DNMT1: variants seen among roughly 807,000 people sequenced by gnomAD.
DNMT1 encodes DNA methyltransferase 1, also known as DNA (cytosine-5)-methyltransferase 1.
DNMT1 carries 24 observed loss-of-function variants against 205.3 expected under a neutral mutation model. The observed-to-expected ratio is 0.12, with a 90% CI of 0.08 to 0.16. The LOEUF (loss-of-function observed/expected upper bound fraction) is 0.16, where lower values mean the gene tolerates loss of function less well. DNMT1 is among the 10% of genes least tolerant of loss of function. DNMT1 has a pLI of 1.00. For synonymous variants in DNMT1, 817 were observed against 839.8 expected, an observed-to-expected ratio of 0.97 and a Z score of 0.47; for missense variants, 1,293 against 2,177.7, an observed-to-expected ratio of 0.59 and a Z score of 8.09.
At position 10,146,413 on chromosome 19, in the gene DNMT1, C is replaced by T. The variant is rs780517259; in HGVS notation, c.2832G>A (p.Lys944=). 6 of 1,614,014 alleles carry T rather than the reference C, an allele frequency of 3.7e-6. No individual in the cohort carries two copies. Among genetic ancestry groups the T allele is most frequent in the Non-Finnish European group, 5.1e-6 (6 of 1,180,020 alleles). Residue 944 remains lysine, a synonymous_variant, in exon 28 of 41, where the codon AAG becomes AAA. Transcript: ENST00000359526. The surrounding 1 kb of genome is among the most constrained non-coding windows in gnomAD (Gnocchi z 4.4). The stretch of plus-strand genomic sequence containing the variant: ...CACCAACTCGGTACAGGATGCCGTT[C>T]TTGGTGGCTGAGTAGTAGAGGACCC... ...DSRVLYYSAT[K]NGILYRVGDG... is the part of the protein sequence containing the mutation.
At chr19:10,150,862 G>A (rs1357036026) in intron 24 of DNMT1, among the ~76,000 whole-genome samples, 1 of 152,180 alleles carries the variant, frequency 6.6e-6, no homozygotes, top group East Asian at 1.9e-4. Flanking sequence ...GGAGGCTGAG[G>A]TGGGTGGATC....
At chr19:10,172,991 T>G (rs773790326) in intron 9 of DNMT1, 99 bp downstream of exon 9, 1 of 1,396,898 alleles carries the variant, frequency 7.2e-7, no homozygotes, top group African/African-American at 1.4e-5. Flanking sequence ...CATCTTGTTC[T>G]TCCACGTTCC....
rs1218746197 is a variant in DNMT1 at position 10,148,007 on chromosome 19, T to G, written c.2720+877A>C. On this transcript the variant is annotated intron_variant, in intron 27 of 40. Coordinates refer to ENST00000359526, the MANE Select transcript of DNMT1 (RefSeq NM_001130823.3). ...GGCCCATGCTTGTAATCCCAGCTAC[T>G]CAGGAGGCTGAGGCAGGAGAATCGC... is the stretch of plus-strand genomic sequence containing the variant. Among the ~76,000 whole-genome samples, 13 of 148,500 alleles carry G rather than the reference T, an allele frequency of 8.8e-5. No individual in the cohort carries two copies. The East Asian group carries it at 1.2e-3, about 14-fold the overall frequency.
In DNMT1 at chr19:10,138,287, G is replaced by A; in HGVS notation, c.4115+152C>T. Reference sequence around the variant, plus strand: ...TGCAGGGTCAGAACTGGAGACCACAGGTGGCAGAGTGCCATGTGGCAGAGC... The same window carrying A: ...TGCAGGGTCAGAACTGGAGACCACAAGTGGCAGAGTGCCATGTGGCAGAGC... On this transcript the variant is annotated intron_variant, in intron 35 of 40. Coordinates refer to ENST00000359526, the MANE Select transcript of DNMT1 (RefSeq NM_001130823.3). The surrounding 1 kb of genome is among the most constrained non-coding windows in gnomAD (Gnocchi z 4.1). The A allele has an allele frequency of 8.0e-7, 1 of 1,254,444 alleles. No homozygotes were observed. Among genetic ancestry groups the A allele is most frequent in the Non-Finnish European group, 1.1e-6 (1 of 890,222 alleles). The allele number at this position is 1,254,444 out of a possible 1,614,324, so 77.7% of individuals were successfully genotyped here.
rs2089647159 is a variant in DNMT1, at chr19:10,143,754, G to C, written c.3116+12C>G. On this transcript the variant is annotated intron_variant, in intron 29 of 40. Coordinates refer to ENST00000359526, the MANE Select transcript of DNMT1 (RefSeq NM_001130823.3). ...TCTGTGGCCTCGTGGAAGAACAGAGGCCTCTGCTGACCTGTAGAACTTGTT... is the reference window on the plus strand; with the variant it reads ...TCTGTGGCCTCGTGGAAGAACAGAGCCCTCTGCTGACCTGTAGAACTTGTT... The C allele has an allele frequency of 6.2e-7, 1 of 1,613,914 alleles. No homozygotes were observed.
At chr19:10,191,591 T>C (rs1322991606) in intron 1 of DNMT1, among the ~76,000 whole-genome samples, 39 of 152,138 alleles carry the variant, frequency 2.6e-4, no homozygotes, top group Non-Finnish European at 5.4e-4. Flanking sequence ...CCTGAGCCAG[T>C]GGCCTACTGG....
chr19:10,175,431 T>C (rs570023475), intron 7 of DNMT1, 109 bp downstream of exon 7: 8 of 1,305,358 alleles, frequency 6.1e-6, no homozygotes, highest in African/African-American at 1.5e-5. Flanking sequence ...GAGCCCTAAA[T>C]AGAGCCCTAG....
At position 10,154,507 on chromosome 19, in the gene DNMT1, G is replaced by T; in HGVS notation, c.1833-28C>A. 1.2e-6 allele frequency: 2 copies of T among 1,614,106 alleles called. No individual in the cohort carries two copies. Among genetic ancestry groups the T allele is most frequent in the Non-Finnish European group, 1.7e-6 (2 of 1,180,036 alleles). The stretch of plus-strand genomic sequence containing the variant: ...ACGGGAGAGGTTCCAGCATCTCAGA[G>T]GACTGGGACAGAGGATGTGGGCCAT... On this transcript the variant is annotated intron_variant, in intron 21 of 40. Coordinates refer to ENST00000359526, the MANE Select transcript of DNMT1 (RefSeq NM_001130823.3). This position sits in a 1 kb window ranked among gnomAD's most constrained non-coding sequence, Gnocchi z 6.3.
intron 9 of DNMT1, among the ~76,000 whole-genome samples, chr19:10,170,477 A>G (rs2038793671): frequency 6.6e-6 from 1 of 152,036 alleles, no homozygotes; most frequent in South Asian, 2.1e-4. Flanking sequence ...TGTCTCTACT[A>G]AAAGTACAAA....
Position 10,159,637 on chromosome 19 carries a change from T to G in DNMT1, c.1280+21A>C. 1 of 1,613,238 alleles carries G rather than the reference T, an allele frequency of 6.2e-7. No homozygotes were observed. Among genetic ancestry groups the G allele is most frequent in the Non-Finnish European group, 8.5e-7 (1 of 1,179,212 alleles). On this transcript the variant is annotated intron_variant, in intron 17 of 40. Coordinates refer to ENST00000359526, the MANE Select transcript of DNMT1 (RefSeq NM_001130823.3). This position sits in a 1 kb window ranked among gnomAD's most constrained non-coding sequence, Gnocchi z 5.0. ...TGTGCCTCCTTCCACGAAGCAAACA[T>G]GCACACGAAAGTGCACTTACCTGAA...
At chr19:10,184,080 G>A (rs1378649001) in intron 1 of DNMT1, among the ~76,000 whole-genome samples, 1 of 152,100 alleles carries the variant, frequency 6.6e-6, no homozygotes, top group Non-Finnish European at 1.5e-5. Context: ...AGAGGGGGCA[G>A]GTCATATAGT....
Position 10,151,176 on chromosome 19 carries a change from A to G in DNMT1, c.2265+222T>C, listed in dbSNP as rs1435685158. Among the ~76,000 whole-genome samples the G allele has an allele frequency of 6.6e-6, 1 of 152,140 alleles. No individual in the cohort carries two copies. The highest frequency in any genetic ancestry group is 2.4e-5 in the African/African-American group (1 of 41,434). ...AACTGTGTCAAATGCCCATTTTGGGACATTAGGAGAACTGAGCCTTGTGGC... is the reference window on the plus strand; with the variant it reads ...AACTGTGTCAAATGCCCATTTTGGGGCATTAGGAGAACTGAGCCTTGTGGC... On this transcript the variant is annotated intron_variant, in intron 24 of 40. Coordinates refer to ENST00000359526, the MANE Select transcript of DNMT1 (RefSeq NM_001130823.3). This position sits in a 1 kb window ranked among gnomAD's most constrained non-coding sequence, Gnocchi z 5.0.
rs543996514 is a variant in DNMT1 at position 10,158,286 on chromosome 19, CG to C, written c.1280+1371del. ...TGTGGCCCTGCTTTGGGCCAGGCCT[CG>C]GGGGGCTAGCGGTTGCTGGTGGACG... On this transcript the variant is annotated intron_variant, in intron 17 of 40. Transcript: ENST00000359526. Among the ~76,000 whole-genome samples, 720 of 152,246 alleles carry C rather than the reference CG, an allele frequency of 4.7e-3. 2 individuals carry two copies. The highest frequency in any genetic ancestry group is 7.8e-3 in the Non-Finnish European group (527 of 67,994).
At chr19:10,169,077 G>A (rs2038753079) in intron 9 of DNMT1, among the ~76,000 whole-genome samples, 1 of 152,028 alleles carries the variant, frequency 6.6e-6, no homozygotes, top group Non-Finnish European at 1.5e-5. Context: ...TGATCCGTCT[G>A]CCTTGGTCTC....
Position 10,160,414 on chromosome 19 carries a change from T to C in DNMT1, c.1013A>G (p.Glu338Gly). ...TTTGGGGGTCGTTTTGCGTCTCTTC[T>C]CCTCCTACACAGGGAAAACAAAAGA... ...SDEKDEDEKE[E>G]KRRKTTPKEP... Residue 338 changes from glutamate to glycine, a missense_variant, in exon 14 of 41, where the codon GAG (glutamate) becomes GGG (glycine). Physicochemically the swap from Glu to Gly is moderately conservative, Grantham distance 98. Transcript: ENST00000359526. 1.2e-6 allele frequency: 2 copies of C among 1,614,096 alleles called. No individual in the cohort carries two copies. Among genetic ancestry groups the C allele is most frequent in the Non-Finnish European group, 1.7e-6 (2 of 1,179,972 alleles).
In DNMT1 at chr19:10,156,781, C is replaced by G. The variant is rs967853406; in HGVS notation, c.1281-272G>C. Among the ~76,000 whole-genome samples, 1 of 152,068 alleles carries G rather than the reference C, an allele frequency of 6.6e-6. No individual in the cohort carries two copies. The highest frequency in any genetic ancestry group is 2.4e-5 in the African/African-American group (1 of 41,396). On this transcript the variant is annotated intron_variant, in intron 17 of 40. Coordinates refer to ENST00000359526, the MANE Select transcript of DNMT1 (RefSeq NM_001130823.3). The surrounding 1 kb of genome is among the most constrained non-coding windows in gnomAD (Gnocchi z 4.2). Reference sequence around the variant, plus strand: ...TACAGGCCTGAACCACCATGCCCGGCTAATTGTTGTATTTTTAGTAGGGAC... The same window carrying G: ...TACAGGCCTGAACCACCATGCCCGGGTAATTGTTGTATTTTTAGTAGGGAC...
intron 17 of DNMT1, among the ~76,000 whole-genome samples, chr19:10,157,774 A>G (rs2038488275): frequency 6.6e-6 from 1 of 152,210 alleles, no homozygotes; most frequent in Admixed American, 6.5e-5. Flanking sequence ...AGAAGAAGAG[A>G]CAGAGAGATG....
intron 1 of DNMT1, among the ~76,000 whole-genome samples, chr19:10,186,121 T>C (rs1191821250): frequency 4.6e-5 from 7 of 152,088 alleles, no homozygotes; most frequent in Non-Finnish European, 7.4e-5. Context: ...TTGCCTGGGG[T>C]GTGAAGGACA....
Position 10,135,729 on chromosome 19 carries a change from C to T in DNMT1, c.4773+7G>A. On this transcript the variant is annotated splice_region_variant and intron_variant, in intron 39 of 40. Coordinates refer to ENST00000359526, the MANE Select transcript of DNMT1 (RefSeq NM_001130823.3). ...TGTCCAGACCCAGCGGGCGCCGCCC[C>T]ACTGACCTGCCGGTGCTTGTCCAGG... 6.2e-7 allele frequency: 1 copy of T among 1,606,240 alleles called. No individual in the cohort carries two copies. Among genetic ancestry groups the T allele is most frequent in the Non-Finnish European group, 8.5e-7 (1 of 1,178,208 alleles).
Sources: allele counts gnomAD v4.1 joint callset (sites outside exome capture counted in the v4.1 genomes callset), GRCh38; gene constraint gnomAD v4.1.1; non-coding constraint Gnocchi (gnomAD v3.1); transcripts MANE v1.5; gene names NCBI Gene and HGNC (gene_info 2026-07-23, HGNC 2026-07-21).